The following SYCP2 variants were observed in gnomAD, a reference collection of about 807,000 sequenced individuals.
SYCP2 encodes the protein synaptonemal complex lateral element protein.
In SYCP2, 55 loss-of-function variants were observed where a neutral mutation model predicts 211.3. The observed-to-expected ratio is 0.26, with a 90% CI of 0.21 to 0.33. The LOEUF is 0.33. Among genes scored for constraint, SYCP2 ranks in the 10% least tolerant of loss-of-function variants. The pLI, the probability that SYCP2 is intolerant of heterozygous loss-of-function variation, is 1.00. For missense variants in SYCP2, 1,731 were observed against 1,752.0 expected (o/e 0.99, Z 0.21); for synonymous variants, 570 against 555.2 (o/e 1.03, Z -0.37).
intron 33 of SYCP2, 33 bp from the exon 34 acceptor site, chr20:59,875,502 A>C: frequency 2.6e-6 from 4 of 1,516,334 alleles, no homozygotes; most frequent in Non-Finnish European, 3.6e-6. Context: ...AATTATACTC[A>C]AGTACAAATA....
At chr20:59,924,843 C>T (rs1296110353) in intron 2 of SYCP2, among the ~76,000 whole-genome samples, 1 of 151,896 alleles carries the variant, frequency 6.6e-6, no homozygotes, top group African/African-American at 2.4e-5. Flanking sequence ...CAGAAACAGA[C>T]CTATACACAT....
At chr20:59,917,566 T>G (rs143891578) in intron 7 of SYCP2, among the ~76,000 whole-genome samples, 90 of 152,280 alleles carry the variant, frequency 5.9e-4, no homozygotes, top group African/African-American at 2.1e-3. Context: ...ACTTAAAAAT[T>G]TAGACTACAT....
At chr20:59,891,866 C>T in intron 24 of SYCP2, 124 bp downstream of exon 24, 1 of 801,582 alleles carries the variant, frequency 1.2e-6, no homozygotes, top group Non-Finnish European at 1.9e-6. Context: ...AGAGTCTGGG[C>T]ACTGAATTAA....
intron 33 of SYCP2, 28 bp from the exon 34 acceptor site, chr20:59,875,497 T>TA: frequency 2.6e-6 from 4 of 1,536,386 alleles, no homozygotes; most frequent in Non-Finnish European, 3.6e-6. Flanking sequence ...TTTCAAATTA[T>TA]ACTCAAGTAC....
In SYCP2 at chr20:59,933,620, C is replaced by G. The variant is rs1441208805; in HGVS notation, c.-191G>C. 1 of 152,114 alleles carries G rather than the reference C, an allele frequency of 6.6e-6. No individual in the cohort carries two copies. Among genetic ancestry groups the G allele is most frequent in the Non-Finnish European group, 1.5e-5 (1 of 68,032 alleles). The allele number at this position is 152,114 out of a possible 1,614,324, so 9.4% of individuals were successfully genotyped here. On this transcript the variant is annotated 5_prime_UTR_variant, in exon 1 of 45. Transcript: ENST00000357552. ...TCGGTGGAGCCGCCCCCTATGCCGC[C>G]GAGCGTCGCAACTCTGCGCCTCAGG... is the stretch of plus-strand genomic sequence containing the variant.
chr20:59,875,506 A>G (rs2059537688), intron 33 of SYCP2, 37 bp from the exon 34 acceptor site: 1 of 1,476,108 alleles, frequency 6.8e-7, no homozygotes, highest in Non-Finnish European at 9.3e-7. Context: ...ATACTCAAGT[A>G]CAAATATTTA....
At chr20:59,912,965 A>T (rs1056863573) in intron 12 of SYCP2, among the ~76,000 whole-genome samples, 1 of 152,220 alleles carries the variant, frequency 6.6e-6, no homozygotes, top group East Asian at 1.9e-4. Flanking sequence ...GCCACATGGA[A>T]CTTTAAGTCC....
intron 7 of SYCP2, among the ~76,000 whole-genome samples, 181 bp downstream of exon 7, chr20:59,918,977 T>C (rs925256905): frequency 3.3e-5 from 5 of 152,102 alleles, no homozygotes; most frequent in African/African-American, 1.2e-4. Flanking sequence ...TTAATTGTTT[T>C]TCTCTTGGAC....
rs1358841241 is a variant in SYCP2, at chr20:59,895,532, T to A, written c.1570A>T (p.Ser524Cys). 5 of 1,612,874 alleles carry A rather than the reference T, an allele frequency of 3.1e-6. No homozygotes were observed. The highest frequency in any genetic ancestry group is 4.2e-6 in the Non-Finnish European group (5 of 1,179,174). Residue 524 changes from serine to cysteine, a missense_variant, in exon 20 of 45, where the codon AGT (serine) becomes TGT (cysteine). Coordinates refer to ENST00000357552, the MANE Select transcript of SYCP2 (RefSeq NM_014258.4). ...LQMTSSAEKP[S>C]VSQTSENRVD... Reference sequence around the variant, plus strand: ...CTATTTTCTGATGTTTGAGAAACACTAGGTTTCTCTGCAGAGCTCGTCATT... The same window carrying A: ...CTATTTTCTGATGTTTGAGAAACACAAGGTTTCTCTGCAGAGCTCGTCATT...
At chr20:59,869,576 T>C (rs1392629862) in intron 36 of SYCP2, among the ~76,000 whole-genome samples, 1 of 151,796 alleles carries the variant, frequency 6.6e-6, no homozygotes, top group Non-Finnish European at 1.5e-5. Flanking sequence ...ATCCTCACTA[T>C]TTAAGACCTT....
intron 15 of SYCP2, 43 bp downstream of exon 15, chr20:59,907,321 G>A (rs1168321541): frequency 7.9e-7 from 1 of 1,261,426 alleles, no homozygotes; most frequent in Non-Finnish European, 1.1e-6. Flanking sequence ...TGTTCCATAT[G>A]GTAAGAATTA....
chr20:59,901,593 A>G, intron 16 of SYCP2, 69 bp downstream of exon 16: 1 of 1,005,346 alleles, frequency 9.9e-7, no homozygotes, highest in South Asian at 1.9e-5. Flanking sequence ...AAACGCAATA[A>G]AACTTATAAC....
In SYCP2 at chr20:59,907,425, C is replaced by T; in HGVS notation, c.973-1G>A. The T allele has an allele frequency of 6.2e-7, 1 of 1,609,256 alleles. No individual in the cohort carries two copies. Among genetic ancestry groups the T allele is most frequent in the Non-Finnish European group, 8.5e-7 (1 of 1,177,092 alleles). On this transcript the variant is annotated splice_acceptor_variant, in intron 14 of 44. Coordinates refer to ENST00000357552, the MANE Select transcript of SYCP2 (RefSeq NM_014258.4). LOFTEE classifies it high-confidence loss of function. ...CAGTAACTGCTTCCCATTGATGATC[C>T]TTAAATTTAAAAGCAGGTTTTGGCC...
chr20:59,906,075 C>CAAA (rs1257123472), intron 15 of SYCP2, among the ~76,000 whole-genome samples: 2 of 152,032 alleles, frequency 1.3e-5, no homozygotes, highest in African/African-American at 4.8e-5. Flanking sequence ...TGAGAGAAAT[C>CAAA]AAAGACCTAA....
intron 4 of SYCP2, 69 bp from the exon 5 acceptor site, chr20:59,920,556 A>T: frequency 8.3e-7 from 1 of 1,206,314 alleles, no homozygotes; most frequent in Admixed American, 2.1e-5. Flanking sequence ...TTGTACAAGG[A>T]GTGTTACACA....
chr20:59,888,680 G>A (rs1478340187), intron 24 of SYCP2, among the ~76,000 whole-genome samples: 2 of 151,960 alleles, frequency 1.3e-5, no homozygotes, highest in African/African-American at 4.8e-5. Context: ...GAAATAACAG[G>A]TATATTGATT....
intron 24 of SYCP2, 46 bp from the exon 25 acceptor site, chr20:59,886,880 T>A: frequency 6.8e-7 from 1 of 1,461,388 alleles, no homozygotes; most frequent in Non-Finnish European, 9.1e-7. Flanking sequence ...AGTTAATCTT[T>A]AAAGGAAAAA....
chr20:59,922,168 T>C (rs1248724219), intron 3 of SYCP2, among the ~76,000 whole-genome samples: 1 of 151,690 alleles, frequency 6.6e-6, no homozygotes, highest in Non-Finnish European at 1.5e-5. Flanking sequence ...AAAAGGTAGG[T>C]ATAAAGAATC....
rs1272815262 is a variant in SYCP2, at chr20:59,923,299, T to C, written c.-46-840A>G. On this transcript the variant is annotated intron_variant, in intron 2 of 44. Transcript: ENST00000357552. ...ATTTTGGTCAAGAAAATGCAAATCA[T>C]TGCTGTAGTCTTCCTCAAAGCTCTG... 2.0e-5 allele frequency among the ~76,000 whole-genome samples: 3 copies of C among 151,984 alleles called. No individual in the cohort carries two copies. The East Asian group carries it at 5.8e-4, about 29-fold the overall frequency.
Sources: gnomAD v4.1 joint callset for allele counts (sites outside exome capture counted in the v4.1 genomes callset) on GRCh38, gnomAD v4.1.1 for gene constraint, MANE v1.5 for transcripts, NCBI Gene and HGNC (gene_info 2026-07-23, HGNC 2026-07-21) for gene names.